SPOPL: variants seen among roughly 807,000 people sequenced by gnomAD.
The protein encoded by SPOPL is speckle-type POZ protein-like.
In SPOPL, 23 loss-of-function variants were observed where a neutral mutation model predicts 53.8. That is an observed-to-expected ratio of 0.43 (90% CI 0.31 to 0.61). The LOEUF (loss-of-function observed/expected upper bound fraction) is 0.61. SPOPL is among the 20% of genes least tolerant of loss of function. The probability of loss-of-function intolerance (pLI) is 0.12; values close to 1 mark genes in which losing one functional copy is unlikely to be tolerated. For synonymous variants in SPOPL, 164 were observed against 149.7 expected (o/e 1.10, Z -0.70); for missense variants, 442 against 466.9 (o/e 0.95, Z 0.49).
At position 138,559,314 on chromosome 2, in the gene SPOPL, C is replaced by T. The variant is rs1474949593; in HGVS notation, c.691C>T (p.His231Tyr). The change falls in exon 7 of 11, where the codon CAT (histidine) becomes TAT (tyrosine). Residue 231 changes from histidine (H) to tyrosine (Y), a missense_variant. His to Tyr is a moderately conservative substitution (Grantham distance 83). Coordinates refer to ENST00000280098, the MANE Select transcript of SPOPL (RefSeq NM_001001664.3). ...TCCAGTTTTTAACGCCATGTTTGAA[C>T]ATGAAATGGAAGAAAGCAAAAAGGT... is the stretch of plus-strand genomic sequence containing the variant. Reference protein sequence around the residue: ...RSPVFNAMFEHEMEESKKNRV... With the variant: ...RSPVFNAMFEYEMEESKKNRV... The T allele has an allele frequency of 1.9e-6, 3 of 1,612,320 alleles. No homozygotes were observed. The highest frequency in any genetic ancestry group is 2.5e-6 in the Non-Finnish European group (3 of 1,179,422).
At chr2:138,526,298 C>T (rs1448472894) in intron 1 of SPOPL, among the ~76,000 whole-genome samples, 1 of 152,064 alleles carries the variant, frequency 6.6e-6, no homozygotes, top group Non-Finnish European at 1.5e-5. Flanking sequence ...AGTGGATTCT[C>T]ATCTGATTGT....
chr2:138,529,996 C>G (rs1044535453), intron 1 of SPOPL, among the ~76,000 whole-genome samples: 1 of 152,094 alleles, frequency 6.6e-6, no homozygotes, highest in Non-Finnish European at 1.5e-5. Flanking sequence ...TAATAGGCCC[C>G]TGTGTATGTT....
At chr2:138,551,760 G>A (rs1177271820) in intron 4 of SPOPL, among the ~76,000 whole-genome samples, 1 of 151,942 alleles carries the variant, frequency 6.6e-6, no homozygotes, top group Non-Finnish European at 1.5e-5. Context: ...CCTTAAGATA[G>A]TGGAGTATTT....
intron 1 of SPOPL, among the ~76,000 whole-genome samples, chr2:138,515,149 G>T (rs542537078): frequency 6.6e-6 from 1 of 152,208 alleles, no homozygotes; most frequent in Non-Finnish European, 1.5e-5. Context: ...TAGCTCCGCA[G>T]TGTAGTTTAT....
At chr2:138,564,138 A>T (rs1685609335) in intron 8 of SPOPL, among the ~76,000 whole-genome samples, 1 of 152,220 alleles carries the variant, frequency 6.6e-6, no homozygotes, top group Non-Finnish European at 1.5e-5. Context: ...GTAGAGGGAA[A>T]CTTTGAGGGA....
At chr2:138,531,441 T>C (rs1684807246) in intron 1 of SPOPL, among the ~76,000 whole-genome samples, 1 of 152,156 alleles carries the variant, frequency 6.6e-6, no homozygotes, top group South Asian at 2.1e-4. Context: ...ATTCTACTTA[T>C]ATTTAAGCCC....
At chr2:138,541,018 T>A (rs1422898348) in intron 1 of SPOPL, among the ~76,000 whole-genome samples, 1 of 152,206 alleles carries the variant, frequency 6.6e-6, no homozygotes, top group Non-Finnish European at 1.5e-5. Context: ...TTTTTTTCAT[T>A]GTTTCTGTTT....
chr2:138,537,651 A>G (rs1314467986), intron 1 of SPOPL, among the ~76,000 whole-genome samples: 1 of 152,152 alleles, frequency 6.6e-6, no homozygotes, highest in Non-Finnish European at 1.5e-5. Flanking sequence ...CCTTCCTGTC[A>G]CAGGAGGACA....
intron 1 of SPOPL, among the ~76,000 whole-genome samples, chr2:138,535,473 C>T (rs535070448): frequency 1.3e-5 from 2 of 150,970 alleles, no homozygotes; most frequent in East Asian, 3.9e-4. Flanking sequence ...AAGCAATGTC[C>T]AAGGATTCCA....
intron 1 of SPOPL, among the ~76,000 whole-genome samples, chr2:138,539,382 C>G (rs1685011703): frequency 6.6e-6 from 1 of 152,104 alleles, no homozygotes; most frequent in Non-Finnish European, 1.5e-5. Context: ...TAAAAGTGTT[C>G]CTATTTCTCC....
intron 1 of SPOPL, among the ~76,000 whole-genome samples, chr2:138,528,619 A>G (rs1453205190): frequency 1.3e-5 from 2 of 152,254 alleles, no homozygotes; most frequent in Non-Finnish European, 2.9e-5. Context: ...TGGGTGCAGT[A>G]TGTGACTCAG....
chr2:138,530,935 G>GTA (rs1684793242), intron 1 of SPOPL, among the ~76,000 whole-genome samples: 1 of 151,590 alleles, frequency 6.6e-6, no homozygotes, highest in East Asian at 1.9e-4. Flanking sequence ...GTGTGTGTGT[G>GTA]TGTGTGTGTG....
chr2:138,505,594 TAAAAAAAAAAAAAAAAAA>T (rs1169614974), intron 1 of SPOPL, among the ~76,000 whole-genome samples: 3 of 75,086 alleles, frequency 4.0e-5, no homozygotes, highest in Admixed American at 1.7e-4. Context: ...GTGTCTCTTC[TAAAAAAAAAAAAAAAAAA>T]AAAAAAAAAA....
intron 3 of SPOPL, 82 bp from the exon 4 acceptor site, chr2:138,550,821 C>G: frequency 1.2e-6 from 1 of 865,382 alleles, no homozygotes; most frequent in Non-Finnish European, 1.7e-6. Flanking sequence ...TGTTCTCTCT[C>G]TCTCTTTCTC....
At chr2:138,525,170 A>G (rs1684642701) in intron 1 of SPOPL, among the ~76,000 whole-genome samples, 1 of 152,232 alleles carries the variant, frequency 6.6e-6, no homozygotes, top group African/African-American at 2.4e-5. Flanking sequence ...CAATCATGGC[A>G]GAAGGCAAAA....
chr2:138,541,320 A>C (rs183404895), intron 1 of SPOPL, among the ~76,000 whole-genome samples: 13 of 152,320 alleles, frequency 8.5e-5, no homozygotes, highest in African/African-American at 2.6e-4. Context: ...AAGGAATGGT[A>C]CCAGCTCCTC....
chr2:138,565,620 A>T (rs911438537), intron 10 of SPOPL, among the ~76,000 whole-genome samples: 2 of 152,190 alleles, frequency 1.3e-5, no homozygotes, highest in African/African-American at 2.4e-5. Context: ...TGAAATCACA[A>T]TGGGGAAAGA....
chr2:138,528,809 C>T (rs1684733313), intron 1 of SPOPL, among the ~76,000 whole-genome samples: 1 of 152,192 alleles, frequency 6.6e-6, no homozygotes, highest in South Asian at 2.1e-4. Context: ...TCCAGTCAAG[C>T]ACTGCCAAAT....
chr2:138,548,966 T>C (rs1685255885), intron 1 of SPOPL, among the ~76,000 whole-genome samples: 1 of 152,158 alleles, frequency 6.6e-6, no homozygotes. Flanking sequence ...AAAACAATAG[T>C]GGTCTGTCTT....
Sources: gnomAD v4.1 joint callset for allele counts (sites outside exome capture counted in the v4.1 genomes callset) on GRCh38, gnomAD v4.1.1 for gene constraint, MANE v1.5 for transcripts, NCBI Gene and HGNC (gene_info 2026-07-23, HGNC 2026-07-21) for gene names.